OXR1: variants seen among roughly 807,000 people sequenced by gnomAD.
OXR1 encodes the protein oxidation resistance protein 1.
In OXR1, 41 loss-of-function variants were observed where a neutral mutation model predicts 104.6. The ratio of observed to expected loss-of-function variants is 0.39; its 90% CI spans 0.31 to 0.51. OXR1 has a LOEUF of 0.51. Among genes scored for constraint, OXR1 ranks in the 20% least tolerant of loss-of-function variants. The pLI is 0.77. For synonymous variants in OXR1, 348 were observed against 348.4 expected, an observed-to-expected ratio of 1.00 and a Z score of 0.01; for missense variants, 955 against 1,031.9, an observed-to-expected ratio of 0.93 and a Z score of 1.02.
intron 2 of OXR1, among the ~76,000 whole-genome samples, chr8:106,518,094 G>A (rs1235338629): frequency 1.3e-5 from 2 of 152,176 alleles, no homozygotes; most frequent in Admixed American, 6.5e-5. Flanking sequence ...TACTAGAAAA[G>A]CCTAAATCAT....
intron 9 of OXR1, 56 bp from the exon 10 acceptor site, chr8:106,710,566 C>G (rs1587190734): frequency 4.2e-6 from 5 of 1,183,924 alleles, no homozygotes; most frequent in Non-Finnish European, 5.7e-6. Flanking sequence ...GTTAACTAAA[C>G]TACCTAAACT....
chr8:106,491,019 T>C (rs537399759), intron 2 of OXR1, among the ~76,000 whole-genome samples: 7 of 152,366 alleles, frequency 4.6e-5, no homozygotes, highest in African/African-American at 1.4e-4. Flanking sequence ...TCTGCCTTTA[T>C]ACTGACTAGT....
At chr8:106,487,048 G>C (rs1387234135) in intron 2 of OXR1, among the ~76,000 whole-genome samples, 1 of 134,896 alleles carries the variant, frequency 7.4e-6, no homozygotes, top group African/African-American at 2.8e-5. Context: ...TTTTGAGACA[G>C]TGTCTCACTC....
At chr8:106,648,575 G>A (rs1320270238) in intron 3 of OXR1, among the ~76,000 whole-genome samples, 2 of 152,100 alleles carry the variant, frequency 1.3e-5, no homozygotes, top group Non-Finnish European at 2.9e-5. Flanking sequence ...ACAATTAAAA[G>A]AACAATGTTT....
intron 2 of OXR1, among the ~76,000 whole-genome samples, chr8:106,378,384 A>G (rs1816993317): frequency 1.3e-5 from 2 of 152,200 alleles, no homozygotes; most frequent in Non-Finnish European, 2.9e-5. Context: ...ATTAAGATGC[A>G]GTGATGCCCG....
chr8:106,385,188 A>G (rs890450399), intron 2 of OXR1, among the ~76,000 whole-genome samples: 1 of 152,220 alleles, frequency 6.6e-6, no homozygotes, highest in South Asian at 2.1e-4. Flanking sequence ...TCAAAGAAGA[A>G]TGATTCCTGA....
intron 3 of OXR1, among the ~76,000 whole-genome samples, chr8:106,535,534 G>A (rs1814447518): frequency 6.6e-6 from 1 of 152,076 alleles, no homozygotes; most frequent in South Asian, 2.1e-4. Flanking sequence ...AAAGCCCCAA[G>A]GAGATAAATC....
chr8:106,679,073 T>C (rs1344629621), intron 3 of OXR1, 137 bp from the exon 4 acceptor site: 1 of 464,152 alleles, frequency 2.2e-6, no homozygotes, highest in Non-Finnish European at 3.9e-6. Context: ...TTGCTTGATT[T>C]TTACAGCAGA....
At chr8:106,605,357 C>A (rs182141424) in intron 3 of OXR1, among the ~76,000 whole-genome samples, 135 of 152,226 alleles carry the variant, frequency 8.9e-4, no homozygotes, top group Non-Finnish European at 4.4e-5. Flanking sequence ...TTGTACAGGA[C>A]AGATATTCTA....
intron 2 of OXR1, chr8:106,448,010 T>C: frequency 6.5e-7 from 1 of 1,535,670 alleles, no homozygotes; most frequent in Non-Finnish European, 8.7e-7. Flanking sequence ...GTTGCCTGCC[T>C]GCCTGCACAG....
chr8:106,291,656 G>A (rs1374215136), intron 1 of OXR1, among the ~76,000 whole-genome samples: 1 of 152,096 alleles, frequency 6.6e-6, no homozygotes, highest in South Asian at 2.1e-4. Flanking sequence ...ATTCTGAGTG[G>A]TATGCATATA....
intron 7 of OXR1, among the ~76,000 whole-genome samples, chr8:106,696,870 C>CA (rs1483923032): frequency 6.6e-6 from 1 of 152,178 alleles, no homozygotes; most frequent in Non-Finnish European, 1.5e-5. Flanking sequence ...AATGAGAAGC[C>CA]ATGAGGGCCT....
At chr8:106,272,246 G>C (rs1811850474) in intron 1 of OXR1, 1 of 152,280 alleles carries the variant, frequency 6.6e-6, no homozygotes, top group Non-Finnish European at 1.5e-5. Context: ...GACCGGCCCG[G>C]CGTTGGGTGA....
At chr8:106,492,483 A>G (rs751253188) in intron 2 of OXR1, among the ~76,000 whole-genome samples, 2 of 152,190 alleles carry the variant, frequency 1.3e-5, no homozygotes, top group Non-Finnish European at 2.9e-5. Context: ...GTTGCCCTTA[A>G]AACCTGGGAA....
At chr8:106,740,549 C>T in intron 14 of OXR1, 54 bp downstream of exon 14, 1 of 1,379,370 alleles carries the variant, frequency 7.2e-7, no homozygotes, top group East Asian at 2.3e-5. Context: ...GTAACAGTAA[C>T]TTTTAGCATA....
intron 1 of OXR1, among the ~76,000 whole-genome samples, chr8:106,357,171 A>G (rs908377242): frequency 6.6e-6 from 1 of 152,004 alleles, no homozygotes; most frequent in Non-Finnish European, 1.5e-5. Context: ...AATGAATTGC[A>G]TCAGACAATA....
intron 3 of OXR1, among the ~76,000 whole-genome samples, chr8:106,653,086 AT>A (rs1383441242): frequency 1.2e-4 from 16 of 136,460 alleles, no homozygotes; most frequent in Admixed American, 5.4e-4. Context: ...AAAAAAAAAT[AT>A]ATATATATAT....
intron 3 of OXR1, among the ~76,000 whole-genome samples, chr8:106,563,955 A>G (rs1315396857): frequency 6.6e-6 from 1 of 152,216 alleles, no homozygotes; most frequent in Non-Finnish European, 1.5e-5. Flanking sequence ...ACAAAGACAC[A>G]ATGTACCAGA....
At chr8:106,302,233 C>A (rs1328499711) in intron 1 of OXR1, among the ~76,000 whole-genome samples, 1 of 151,980 alleles carries the variant, frequency 6.6e-6, no homozygotes, top group Admixed American at 6.6e-5. Context: ...TTTGTTTTCC[C>A]AAAATATTCA....
Sources: gnomAD v4.1 joint callset for allele counts (sites outside exome capture counted in the v4.1 genomes callset) on GRCh38, gnomAD v4.1.1 for gene constraint, MANE v1.5 for transcripts, NCBI Gene and HGNC (gene_info 2026-07-23, HGNC 2026-07-21) for gene names.